VPS39: variants seen among roughly 807,000 people sequenced by gnomAD.
VPS39 encodes the protein VPS39 subunit of HOPS complex.
A neutral mutation model predicts 121.0 loss-of-function variants in VPS39; 70 were observed. That is an observed-to-expected ratio of 0.58 (90% CI 0.48 to 0.71). The LOEUF (loss-of-function observed/expected upper bound fraction) is 0.71. Among genes scored for constraint, VPS39 ranks in the 30% least tolerant of loss-of-function variants. The pLI, the probability that VPS39 is intolerant of heterozygous loss-of-function variation, is 0.00. For missense variants in VPS39, 818 were observed against 1,051.5 expected, an observed-to-expected ratio of 0.78 and a Z score of 3.07; for synonymous variants, 378 against 398.1, an observed-to-expected ratio of 0.95 and a Z score of 0.60.
At chr15:42,186,352 G>A (rs1018620888) in intron 7 of VPS39, among the ~76,000 whole-genome samples, 3 of 152,024 alleles carry the variant, frequency 2.0e-5, no homozygotes, top group African/African-American at 7.2e-5. Flanking sequence ...GAGGTGGGAG[G>A]ACTGCTTGAG....
rs184757614 is a variant in VPS39 at position 42,182,825 on chromosome 15, C to T, written c.718+1692G>A. ...CACTGATGAAGGCCCCAGGCACTAACGAAGGTTGGAAGACAGGAACTCTCA... is the reference window on the plus strand; with the variant it reads ...CACTGATGAAGGCCCCAGGCACTAATGAAGGTTGGAAGACAGGAACTCTCA... On this transcript the variant is annotated intron_variant, in intron 8 of 24. Coordinates refer to ENST00000318006, the MANE Select transcript of VPS39 (RefSeq NM_015289.5). Among the ~76,000 whole-genome samples, 170 of 152,296 alleles carry T rather than the reference C, an allele frequency of 1.1e-3. No individual in the cohort carries two copies. The Middle Eastern group carries it at 0.017, about 15-fold the overall frequency.
rs1413027550 is a variant in VPS39 at position 42,161,791 on chromosome 15, T to C, written c.2461-18A>G. The C allele has an allele frequency of 1.2e-6, 2 of 1,613,670 alleles. No individual in the cohort carries two copies. Among genetic ancestry groups the C allele is most frequent in the South Asian group, 2.2e-5 (2 of 91,066 alleles). ...TCCTGGACCTGGAAGAACAGGGGGA[T>C]TGAGGAAGAAGTTCTACAGTGTGGC... On this transcript the variant is annotated intron_variant, in intron 23 of 24. Coordinates refer to ENST00000318006, the MANE Select transcript of VPS39 (RefSeq NM_015289.5).
intron 1 of VPS39, among the ~76,000 whole-genome samples, chr15:42,200,923 A>T (rs2050054125): frequency 6.6e-6 from 1 of 152,232 alleles, no homozygotes. Flanking sequence ...ACCTAAAAAC[A>T]TGATGCTAAC....
intron 7 of VPS39, among the ~76,000 whole-genome samples, chr15:42,185,923 C>T (rs2049691375): frequency 6.6e-6 from 1 of 152,186 alleles, no homozygotes; most frequent in Non-Finnish European, 1.5e-5. Context: ...CAAGGTTTCC[C>T]ACCCTGAAGG....
At position 42,189,132 on chromosome 15, in the gene VPS39, C is replaced by A. The variant is rs147387893; in HGVS notation, c.324G>T (p.Leu108=). The A allele has an allele frequency of 5.8e-5, 93 of 1,613,892 alleles. No homozygotes were observed. In the African/African-American group the frequency reaches 1.2e-3, roughly 20 times the overall value. The change falls in exon 5 of 25, where the codon CTG becomes CTT. Residue 108 remains leucine (L), a synonymous_variant. Coordinates refer to ENST00000318006, the MANE Select transcript of VPS39 (RefSeq NM_015289.5). ...TTVSKAKGAS[L]FTCDLQHTET... The stretch of plus-strand genomic sequence containing the variant: ...AACTTACCTGGAGGTCACAAGTAAA[C>A]AGTGATGCTCCCTTTGCCTTTGAAA...
intron 21 of VPS39, 145 bp from the exon 22 acceptor site, chr15:42,162,626 A>T: frequency 1.0e-6 from 1 of 985,454 alleles, no homozygotes; most frequent in Non-Finnish European, 1.4e-6. Context: ...CACCTTGTAA[A>T]TTGGTAAGGT....
At chr15:42,184,417 C>A (rs1871486) in intron 8 of VPS39, 100 bp downstream of exon 8, 19 of 1,301,964 alleles carry the variant, frequency 1.5e-5, no homozygotes, top group East Asian at 4.9e-5. Flanking sequence ...AATGACACAA[C>A]GTAAACCAGT....
Position 42,207,945 on chromosome 15 carries a change from C to T in VPS39, c.73+136G>A, listed in dbSNP as rs538645795. The T allele has an allele frequency of 1.8e-4, 161 of 909,486 alleles. 1 individual carries two copies. Among genetic ancestry groups the T allele is most frequent in the South Asian group, 1.3e-3 (76 of 60,408 alleles). The allele number at this position is 909,486 out of a possible 1,614,324, so 56.3% of individuals were successfully genotyped here. Reference sequence around the variant, plus strand: ...GCCGGTGGTCATCTCTCTGCCTTCTCTCATCCTAAGCCCCTCTCGTGTAGC... The same window carrying T: ...GCCGGTGGTCATCTCTCTGCCTTCTTTCATCCTAAGCCCCTCTCGTGTAGC... On this transcript the variant is annotated intron_variant, in intron 1 of 24. Coordinates refer to ENST00000318006, the MANE Select transcript of VPS39 (RefSeq NM_015289.5).
chr15:42,166,052 A>T (rs1225422655), intron 16 of VPS39, 107 bp downstream of exon 16: 1 of 1,186,778 alleles, frequency 8.4e-7, no homozygotes, highest in African/African-American at 1.5e-5. Flanking sequence ...TTCATGCACC[A>T]ATGAAGACAG....
intron 2 of VPS39, among the ~76,000 whole-genome samples, chr15:42,193,000 G>T (rs550912718): frequency 6.6e-6 from 1 of 152,174 alleles, no homozygotes; most frequent in East Asian, 1.9e-4. Context: ...GGCTGGCCTT[G>T]AACTCTCGAC....
Position 42,199,957 on chromosome 15 carries a change from T to G in VPS39, c.78A>C (p.Glu26Asp). Residue 26 changes from glutamate (E) to aspartate (D), a missense_variant, in exon 2 of 25, where the codon GAA (glutamate) becomes GAC (aspartate). Physicochemically the swap from Glu to Asp is conservative, Grantham distance 45. Coordinates refer to ENST00000318006, the MANE Select transcript of VPS39 (RefSeq NM_015289.5). ...LQIDCLAAWE[E>D]WLLVGTKQGH... ...CTTGTTTGGTTCCCACAAGAAGCCATTCCTCTGGAAAAACAAAACAAAACA... is the reference window on the plus strand; with the variant it reads ...CTTGTTTGGTTCCCACAAGAAGCCAGTCCTCTGGAAAAACAAAACAAAACA... 6.3e-7 allele frequency: 1 copy of G among 1,577,652 alleles called. No individual in the cohort carries two copies. The highest frequency in any genetic ancestry group is 1.2e-5 in the South Asian group (1 of 83,892).
At chr15:42,162,269 T>G in intron 22 of VPS39, 63 bp downstream of exon 22, 1 of 1,597,174 alleles carries the variant, frequency 6.3e-7, no homozygotes, top group Non-Finnish European at 8.5e-7. Context: ...CCTTTCCACA[T>G]TTCCTCTTCT....
At chr15:42,161,575 G>T in intron 24 of VPS39, 107 bp downstream of exon 24, 1 of 1,139,646 alleles carries the variant, frequency 8.8e-7, no homozygotes, top group Non-Finnish European at 1.3e-6. Flanking sequence ...ACAGCCAGCA[G>T]CCATGTTCTC....
intron 8 of VPS39, among the ~76,000 whole-genome samples, chr15:42,183,950 T>A (rs1262920150): frequency 6.7e-6 from 1 of 148,822 alleles, no homozygotes; most frequent in Non-Finnish European, 1.5e-5. Flanking sequence ...AATTCCATTG[T>A]GGAGAGCTGG....
intron 4 of VPS39, among the ~76,000 whole-genome samples, chr15:42,190,128 T>C (rs1025529139): frequency 3.3e-5 from 5 of 152,272 alleles, no homozygotes; most frequent in Middle Eastern, 3.4e-3. Flanking sequence ...AGCACTCTTA[T>C]ACTCTGTCCA....
chr15:42,163,753 A>T, intron 19 of VPS39, 25 bp from the exon 20 acceptor site: 1 of 1,565,684 alleles, frequency 6.4e-7, no homozygotes, highest in Non-Finnish European at 8.7e-7. Flanking sequence ...AATATGAGGA[A>T]CCACTGCCGC....
chr15:42,161,573 C>G, intron 24 of VPS39, 109 bp downstream of exon 24: 1 of 1,117,182 alleles, frequency 9.0e-7, no homozygotes, highest in Non-Finnish European at 1.4e-6. Context: ...GGACAGCCAG[C>G]AGCCATGTTC....
chr15:42,192,238 G>C, intron 2 of VPS39: 1 of 853,406 alleles, frequency 1.2e-6, no homozygotes, highest in Non-Finnish European at 1.9e-6. Flanking sequence ...CATCAGAGCA[G>C]CTATCATGAA....
intron 2 of VPS39, among the ~76,000 whole-genome samples, chr15:42,193,031 C>T (rs182495481): frequency 3.9e-4 from 60 of 152,220 alleles, no homozygotes; most frequent in Admixed American, 1.0e-3. Context: ...CCACCCACCT[C>T]GGCCTTCCAA....
Sources: gnomAD v4.1 joint callset for allele counts (sites outside exome capture counted in the v4.1 genomes callset) on GRCh38, gnomAD v4.1.1 for gene constraint, MANE v1.5 for transcripts, NCBI Gene and HGNC (gene_info 2026-07-23, HGNC 2026-07-21) for gene names.